TAF15: variants seen among roughly 807,000 people sequenced by gnomAD.
TAF15 encodes TATA-box binding protein associated factor 15, also known as TATA-binding protein-associated factor 2N.
Under a neutral mutation model 102.5 loss-of-function variants are expected in TAF15, and 37 were observed. The observed-to-expected ratio is 0.36, with a 90% CI of 0.28 to 0.47. TAF15 has a LOEUF of 0.47. TAF15 is among the 20% of genes least tolerant of loss of function. The pLI, the probability that TAF15 is intolerant of heterozygous loss-of-function variation, is 0.99. For synonymous variants in TAF15, 273 were observed against 259.2 expected (o/e 1.05, Z -0.51); for missense variants, 652 against 760.7 (o/e 0.86, Z 1.68).
chr17:35,810,599 C>G (rs543422455), intron 1 of TAF15: 1 of 152,340 alleles, frequency 6.6e-6, no homozygotes, highest in South Asian at 2.1e-4. Context: ...TACCAGTTTT[C>G]TGCTGGAAAT....
rs147475772 is a variant in TAF15, at chr17:35,838,438, C to T, written c.798C>T (p.Thr266=). The T allele has an allele frequency of 2.9e-5, 47 of 1,613,976 alleles. No individual in the cohort carries two copies. In the East Asian group the frequency reaches 4.2e-4, roughly 15 times the overall value. ...TTTTTCCTCAGACAAATAAGAAGAC[C>T]GGAAAACCAATGATAAATCTTTATA... ...QIGIIKTNKK[T]GKPMINLYTD... Residue 266 remains threonine, a synonymous_variant, in exon 11 of 16, where the codon ACC becomes ACT. Coordinates refer to ENST00000605844, the MANE Select transcript of TAF15 (RefSeq NM_139215.3).
intron 7 of TAF15, among the ~76,000 whole-genome samples, chr17:35,831,916 A>G (rs999557859): frequency 2.0e-5 from 3 of 152,076 alleles, no homozygotes; most frequent in South Asian, 2.1e-4. Context: ...CCCCGTCTCT[A>G]CTAAAAATAC....
chr17:35,841,544 C>A (rs1439979415), intron 11 of TAF15, among the ~76,000 whole-genome samples: 1 of 151,696 alleles, frequency 6.6e-6, no homozygotes, highest in Non-Finnish European at 1.5e-5. Flanking sequence ...TAGCTAGGAC[C>A]ACAGGTGCCA....
chr17:35,828,112 G>A (rs932320306), intron 7 of TAF15, among the ~76,000 whole-genome samples: 2 of 152,138 alleles, frequency 1.3e-5, no homozygotes, highest in Non-Finnish European at 2.9e-5. Flanking sequence ...TTTAGTAGCT[G>A]TTTCAGGCTT....
chr17:35,833,756 A>T (rs2087436047), intron 7 of TAF15, 151 bp from the exon 8 acceptor site: 7 of 728,152 alleles, frequency 9.6e-6, no homozygotes, highest in Non-Finnish European at 2.4e-6. Flanking sequence ...AACAACATTT[A>T]GAACTCTGTG....
intron 7 of TAF15, among the ~76,000 whole-genome samples, chr17:35,830,797 G>T (rs2087395187): frequency 6.6e-6 from 1 of 152,114 alleles, no homozygotes; most frequent in Admixed American, 6.5e-5. Context: ...ATTAAATGCA[G>T]GTTCTTATTC....
In TAF15 at chr17:35,837,147, TGTTGTTGTC is replaced by T. The variant is rs1215151981; in HGVS notation, c.783+916_783+924del. Among the ~76,000 whole-genome samples the T allele has an allele frequency of 2.0e-5, 3 of 152,040 alleles. No homozygotes were observed. The East Asian group carries it at 5.8e-4, about 29-fold the overall frequency. On this transcript the variant is annotated intron_variant, in intron 10 of 15. Transcript: ENST00000605844. ...TAATTACACACAAAATATGTAATTT[TGTTGTTGTC>T]GTTGTTGTCTTGAGACAGGGTCTTG...
At chr17:35,841,081 T>TA (rs1240275099) in intron 11 of TAF15, among the ~76,000 whole-genome samples, 2 of 152,232 alleles carry the variant, frequency 1.3e-5, no homozygotes, top group Non-Finnish European at 2.9e-5. Context: ...CCATAGGGCA[T>TA]ATGAGCCTTT....
chr17:35,824,893 T>TA (rs1037018492), intron 7 of TAF15, among the ~76,000 whole-genome samples: 24 of 151,618 alleles, frequency 1.6e-4, no homozygotes, highest in African/African-American at 5.6e-4. Flanking sequence ...TGGTTTTAGA[T>TA]ATATCTGCAA....
At chr17:35,834,740 C>CA in intron 9 of TAF15, 142 bp downstream of exon 9, 1 of 235,224 alleles carries the variant, frequency 4.3e-6, no homozygotes, top group Non-Finnish European at 7.1e-6. Flanking sequence ...AGCTTTATTT[C>CA]TTTTTTTTTT....
At position 35,844,398 on chromosome 17, in the gene TAF15, C is replaced by T. The variant is rs772451390; in HGVS notation, c.1177+30C>T. ...GTCAGCCTTTTAATAGCATCTGCAT[C>T]GTGCTTATCTTCTGACTAGCATTAA... On this transcript the variant is annotated intron_variant, in intron 14 of 15. Coordinates refer to ENST00000605844, the MANE Select transcript of TAF15 (RefSeq NM_139215.3). 36 of 1,611,734 alleles carry T rather than the reference C, an allele frequency of 2.2e-5. No individual in the cohort carries two copies. The Admixed American group carries it at 4.2e-4, about 19-fold the overall frequency.
intron 1 of TAF15, chr17:35,810,216 C>G (rs2087109511): frequency 7.0e-6 from 1 of 142,874 alleles, no homozygotes; most frequent in Non-Finnish European, 1.5e-5. Flanking sequence ...TGCCATTCGT[C>G]TTCCCCACCA....
chr17:35,835,153 A>G (rs891445917), intron 9 of TAF15, among the ~76,000 whole-genome samples: 3 of 152,200 alleles, frequency 2.0e-5, no homozygotes, highest in Admixed American at 6.5e-5. Context: ...TTCCGTGAAG[A>G]AATACTTGAA....
At chr17:35,846,792 A>T in intron 15 of TAF15, 114 bp from the exon 16 acceptor site, 1 of 1,068,468 alleles carries the variant, frequency 9.4e-7, no homozygotes. Context: ...GCATGGTGTC[A>T]TTCTTTAGAA....
intron 8 of TAF15, chr17:35,834,246 G>A: frequency 2.6e-6 from 1 of 381,068 alleles, no homozygotes; most frequent in Non-Finnish European, 4.6e-6. Flanking sequence ...TCTTATAAAG[G>A]TAGCTGACAT....
At chr17:35,832,018 C>T (rs1181779451) in intron 7 of TAF15, among the ~76,000 whole-genome samples, 4 of 152,110 alleles carry the variant, frequency 2.6e-5, no homozygotes, top group South Asian at 2.1e-4. Flanking sequence ...GCGGAGCTTG[C>T]GGTGAGCCAA....
chr17:35,830,956 T>G (rs1219916180), intron 7 of TAF15, among the ~76,000 whole-genome samples: 1 of 152,184 alleles, frequency 6.6e-6, no homozygotes, highest in African/African-American at 2.4e-5. Flanking sequence ...CACTGACATG[T>G]CCAGATTTTC....
At chr17:35,827,981 G>C (rs1489103613) in intron 7 of TAF15, among the ~76,000 whole-genome samples, 1 of 152,144 alleles carries the variant, frequency 6.6e-6, no homozygotes, top group African/African-American at 2.4e-5. Flanking sequence ...CATCTTAGTG[G>C]ACTAGAAGTT....
chr17:35,835,626 A>G (rs2087464494), intron 9 of TAF15, among the ~76,000 whole-genome samples: 1 of 152,254 alleles, frequency 6.6e-6, no homozygotes, highest in South Asian at 2.1e-4. Context: ...GTCAGGTAAC[A>G]TGTACAAGGT....
Sources: gnomAD v4.1 joint callset for allele counts (sites outside exome capture counted in the v4.1 genomes callset) on GRCh38, gnomAD v4.1.1 for gene constraint, MANE v1.5 for transcripts, NCBI Gene and HGNC (gene_info 2026-07-23, HGNC 2026-07-21) for gene names.